Variants in MAGI2 observed in about 807,000 individuals in gnomAD.
MAGI2 encodes the protein membrane associated guanylate kinase, WW and PDZ domain containing 2.
Under a neutral mutation model 133.3 loss-of-function variants are expected in MAGI2, and 35 were observed. That is an observed-to-expected ratio of 0.26 (90% CI 0.20 to 0.35). The LOEUF (loss-of-function observed/expected upper bound fraction) is 0.35. Ranked by LOEUF, MAGI2 falls within the 10% of genes least tolerant of loss-of-function variation. The pLI is 1.00. For synonymous variants in MAGI2, 729 were observed against 710.6 expected (o/e 1.03, Z -0.41); for missense variants, 1,636 against 1,863.4 (o/e 0.88, Z 2.25).
At position 78,019,808 on chromosome 7, in the gene MAGI2, T is replaced by G. The variant is rs755098042; in HGVS notation, c.3875A>C (p.His1292Pro). The G allele has an allele frequency of 6.2e-7, 1 of 1,613,210 alleles. No individual in the cohort carries two copies. The highest frequency in any genetic ancestry group is 8.5e-7 in the Non-Finnish European group (1 of 1,179,856). Residue 1292 changes from histidine (H) to proline (P), a missense_variant, in exon 22 of 22, where the codon CAC (histidine) becomes CCC (proline). Around this residue, in one of 5 missense-constraint regions of MAGI2, gnomAD observed 354 missense variants for 298.7 expected, o/e 1.19. Transcript: ENST00000354212. ...AAGCTCCTTTGGTTTCCTAACGTCG[T>G]GTTCCCGTTTGATATCCCAAGTTGG... The part of the protein sequence containing the change: ...PGPTWDIKRE[H>P]DVRKPKELSA...
intron 2 of MAGI2, among the ~76,000 whole-genome samples, chr7:78,798,798 A>G (rs1252007748): frequency 2.0e-5 from 3 of 152,184 alleles, no homozygotes; most frequent in African/African-American, 7.2e-5. Context: ...GCTGAGCTCA[A>G]GTTGCTCATT....
intron 9 of MAGI2, among the ~76,000 whole-genome samples, chr7:78,284,857 C>CAATT (rs1018383366): frequency 6.6e-6 from 1 of 152,034 alleles, no homozygotes; most frequent in African/African-American, 2.4e-5. Flanking sequence ...AGCTAATGAC[C>CAATT]AGGAATTTCT....
chr7:78,698,870 A>G (rs2151142830), intron 2 of MAGI2, among the ~76,000 whole-genome samples: 1 of 152,300 alleles, frequency 6.6e-6, no homozygotes, highest in African/African-American at 2.4e-5. Flanking sequence ...CCATGATTCA[A>G]TTACCTCCCA....
chr7:78,584,039 A>G (rs1381349505), intron 3 of MAGI2, among the ~76,000 whole-genome samples: 1 of 152,202 alleles, frequency 6.6e-6, no homozygotes. Context: ...TATGTAACCC[A>G]TGTGTGATGG....
chr7:78,800,745 C>A (rs1787993330), intron 2 of MAGI2, among the ~76,000 whole-genome samples: 1 of 152,054 alleles, frequency 6.6e-6, no homozygotes, highest in African/African-American at 2.4e-5. Context: ...GACTTTATGT[C>A]ATTTTCTTAA....
intron 2 of MAGI2, among the ~76,000 whole-genome samples, chr7:78,694,163 C>T (rs1817257191): frequency 6.6e-6 from 1 of 152,078 alleles, no homozygotes; most frequent in African/African-American, 2.4e-5. Flanking sequence ...ATAACTAAAA[C>T]AACAAATCCA....
chr7:78,513,567 C>G (rs1003244254), intron 4 of MAGI2, among the ~76,000 whole-genome samples: 6 of 152,116 alleles, frequency 3.9e-5, no homozygotes, highest in African/African-American at 1.4e-4. Context: ...AGAAAAAAAG[C>G]TTAGATTCTA....
intron 2 of MAGI2, among the ~76,000 whole-genome samples, chr7:78,702,334 G>A (rs964395909): frequency 6.6e-6 from 1 of 151,928 alleles, no homozygotes; most frequent in African/African-American, 2.4e-5. Flanking sequence ...TGTGACTTAA[G>A]TAATAACTTC....
intron 1 of MAGI2, among the ~76,000 whole-genome samples, chr7:79,106,794 C>A (rs987525169): frequency 1.3e-5 from 2 of 152,180 alleles, no homozygotes; most frequent in African/African-American, 4.8e-5. Context: ...CTTGCTTATG[C>A]CATGTCTACA....
chr7:78,501,916 GA>G, intron 4 of MAGI2, 129 bp from the exon 5 acceptor site: 2 of 660,570 alleles, frequency 3.0e-6, no homozygotes, highest in Non-Finnish European at 5.2e-6. Flanking sequence ...AAACATTTCT[GA>G]AAAAGCATAA....
intron 2 of MAGI2, among the ~76,000 whole-genome samples, chr7:78,712,935 C>T (rs1176833010): frequency 2.0e-5 from 3 of 152,052 alleles, no homozygotes; most frequent in Non-Finnish European, 4.4e-5. Context: ...AAACTATCAG[C>T]CATCTGTAGT....
chr7:79,148,133 T>C (rs950212996), intron 1 of MAGI2, among the ~76,000 whole-genome samples: 3 of 152,060 alleles, frequency 2.0e-5, no homozygotes, highest in African/African-American at 7.2e-5. Context: ...CAGAAGGAAA[T>C]TTTCAGAACA....
At chr7:78,973,901 A>C (rs1038623901) in intron 2 of MAGI2, among the ~76,000 whole-genome samples, 1 of 151,694 alleles carries the variant, frequency 6.6e-6, no homozygotes, top group African/African-American at 2.4e-5. Flanking sequence ...TTGAATATCT[A>C]AGTTGCGCAT....
At chr7:78,786,449 A>C (rs539990599) in intron 2 of MAGI2, among the ~76,000 whole-genome samples, 13 of 152,316 alleles carry the variant, frequency 8.5e-5, no homozygotes, top group African/African-American at 3.1e-4. Context: ...CCAATGTCAT[A>C]AAAGTGACAT....
rs185693033 is a variant in MAGI2, at chr7:78,107,888, T to C, written c.3567+17806A>G. On this transcript the variant is annotated intron_variant, in intron 20 of 21. Transcript: ENST00000354212. ...TATTTATTTGGGTCTTCCCTCTTTC[T>C]TAGTATTGATTTTGTTTATCTTTTC... 1.9e-4 allele frequency among the ~76,000 whole-genome samples: 29 copies of C among 150,898 alleles called. 2 individuals carry two copies. The highest frequency in any genetic ancestry group is 6.5e-4 in the African/African-American group (27 of 41,450).
At chr7:79,203,925 G>A (rs1828825527) in intron 1 of MAGI2, among the ~76,000 whole-genome samples, 1 of 152,004 alleles carries the variant, frequency 6.6e-6, no homozygotes, top group African/African-American at 2.4e-5. Context: ...TCCATGCACA[G>A]AAATACCTTC....
chr7:79,123,873 C>T (rs541991587), intron 1 of MAGI2, among the ~76,000 whole-genome samples: 2 of 150,956 alleles, frequency 1.3e-5, no homozygotes, highest in South Asian at 4.2e-4. Context: ...TGAGCAGTCA[C>T]TATTTTACTC....
At chr7:78,421,906 G>T (rs574940405) in intron 6 of MAGI2, among the ~76,000 whole-genome samples, 82 of 152,250 alleles carry the variant, frequency 5.4e-4, no homozygotes, top group African/African-American at 1.7e-3. Flanking sequence ...TTCATAAATG[G>T]ATTTGTGTGG....
intron 10 of MAGI2, chr7:78,253,339 T>G (rs1419577850): frequency 1.3e-5 from 2 of 152,144 alleles, no homozygotes; most frequent in African/African-American, 4.8e-5. Flanking sequence ...ATGAAAAAAT[T>G]ATAGAAAGAC....
Sources: gnomAD v4.1 joint callset for allele counts (sites outside exome capture counted in the v4.1 genomes callset) on GRCh38, gnomAD v4.1.1 for gene constraint, gnomAD v4.1.1 regional missense constraint, MANE v1.5 for transcripts, NCBI Gene and HGNC (gene_info 2026-07-23, HGNC 2026-07-21) for gene names.